CREB5: variants seen among roughly 807,000 people sequenced by gnomAD.
The protein encoded by CREB5 is cyclic AMP-responsive element-binding protein 5.
Under a neutral mutation model 57.1 loss-of-function variants are expected in CREB5, and 19 were observed. The ratio of observed to expected loss-of-function variants is 0.33; its 90% confidence interval spans 0.23 to 0.49. CREB5 has a LOEUF of 0.49. Ranked by LOEUF, CREB5 falls within the 20% of genes least tolerant of loss-of-function variation. The pLI, the probability that CREB5 is intolerant of heterozygous loss-of-function variation, is 0.99. For missense variants in CREB5, 579 were observed against 671.6 expected (o/e 0.86, Z 1.52); for synonymous variants, 238 against 238.3 (o/e 1.00, Z 0.01).
intron 7 of CREB5, among the ~76,000 whole-genome samples, chr7:28,740,287 T>C (rs1804260280): frequency 6.6e-6 from 1 of 152,232 alleles, no homozygotes; most frequent in African/African-American, 2.4e-5. Context: ...AATTCAGGTC[T>C]TATGAAACTC....
intron 1 of CREB5, among the ~76,000 whole-genome samples, chr7:28,451,462 G>A (rs1583478436): frequency 1.2e-5 from 1 of 83,994 alleles, no homozygotes. Flanking sequence ...GTGTGTGTGT[G>A]TGTGTGTGTG....
At chr7:28,809,465 G>A (rs997903671) in intron 9 of CREB5, 51 bp downstream of exon 9, 4 of 1,501,232 alleles carry the variant, frequency 2.7e-6, no homozygotes, top group African/African-American at 2.8e-5. Flanking sequence ...CTGCTCCACG[G>A]GCATTTCCGG....
intron 6 of CREB5, 120 bp from the exon 7 acceptor site, chr7:28,724,102 G>A: frequency 2.5e-6 from 2 of 785,998 alleles, no homozygotes; most frequent in Non-Finnish European, 4.0e-6. Flanking sequence ...CAAACCATAG[G>A]CCTTCTCAGG....
intron 4 of CREB5, among the ~76,000 whole-genome samples, chr7:28,560,849 T>TGTGCGCGCGTGCGTGCGC (rs1562797145): frequency 1.1e-5 from 1 of 87,054 alleles, no homozygotes; most frequent in Non-Finnish European, 2.3e-5. Context: ...TGTGTGCGCG[T>TGTGCGCGCGTGCGTGCGC]GTGTGTGTGC....
intron 1 of CREB5, among the ~76,000 whole-genome samples, chr7:28,386,146 T>A (rs980604567): frequency 2.6e-5 from 4 of 152,206 alleles, no homozygotes; most frequent in African/African-American, 9.7e-5. Context: ...ATTTTCTTTG[T>A]CTATTTTCCT....
chr7:28,764,336 C>T (rs769475632), intron 7 of CREB5, among the ~76,000 whole-genome samples: 9 of 145,188 alleles, frequency 6.2e-5, no homozygotes, highest in Non-Finnish European at 1.1e-4. Flanking sequence ...AGCTGAAATG[C>T]AGGAAAGGCC....
intron 5 of CREB5, among the ~76,000 whole-genome samples, chr7:28,651,706 T>C (rs1799136040): frequency 6.6e-6 from 1 of 152,230 alleles, no homozygotes; most frequent in Admixed American, 6.5e-5. Context: ...CTTTCTTTCC[T>C]CCTATCCAAA....
At chr7:28,626,432 G>A (rs544657303) in intron 5 of CREB5, among the ~76,000 whole-genome samples, 1 of 152,220 alleles carries the variant, frequency 6.6e-6, no homozygotes, top group African/African-American at 2.4e-5. Flanking sequence ...AATCCCATGA[G>A]GTGTGTTATT....
intron 5 of CREB5, among the ~76,000 whole-genome samples, chr7:28,610,792 C>T (rs1442693350): frequency 1.3e-5 from 2 of 152,130 alleles, no homozygotes; most frequent in East Asian, 3.9e-4. Flanking sequence ...TAATGACCAC[C>T]ATAGAGAATC....
intron 1 of CREB5, among the ~76,000 whole-genome samples, chr7:28,306,489 C>A (rs766902095): frequency 9.7e-6 from 1 of 102,590 alleles, no homozygotes; most frequent in Non-Finnish European, 2.0e-5. Context: ...CATCATGGCA[C>A]AAGATTTTAA....
intron 5 of CREB5, among the ~76,000 whole-genome samples, chr7:28,684,782 T>C (rs540682720): frequency 1.3e-5 from 2 of 152,192 alleles, no homozygotes; most frequent in South Asian, 4.1e-4. Context: ...TCTGCTTTTG[T>C]GGTATTTAAA....
At chr7:28,577,413 A>G (rs1315733588) in intron 5 of CREB5, among the ~76,000 whole-genome samples, 2 of 152,236 alleles carry the variant, frequency 1.3e-5, no homozygotes, top group Non-Finnish European at 2.9e-5. Context: ...GTCCTAACAT[A>G]TGAAGTCAGA....
chr7:28,427,957 A>T (rs1788572453), intron 1 of CREB5, among the ~76,000 whole-genome samples: 1 of 152,222 alleles, frequency 6.6e-6, no homozygotes, highest in Non-Finnish European at 1.5e-5. Context: ...AGATAGGTAA[A>T]TAACACCTAA....
rs114196179 is a variant in CREB5 at position 28,308,959 on chromosome 7, T to C, written c.-25+9518T>C. ...TGGGTGGATTTTGAGACTTCCATAA[T>C]GTAGGTGGGCCTCAACCAATCAGCT... On this transcript the variant is annotated intron_variant, in intron 1 of 9. Coordinates refer to the CREB5 transcript ENST00000396299. 2.7e-3 allele frequency among the ~76,000 whole-genome samples: 406 copies of C among 152,328 alleles called. 1 individual carries two copies. The highest frequency in any genetic ancestry group is 9.3e-3 in the African/African-American group (385 of 41,568).
chr7:28,807,517 C>G (rs898171632), intron 8 of CREB5, among the ~76,000 whole-genome samples: 3 of 152,142 alleles, frequency 2.0e-5, no homozygotes, highest in African/African-American at 7.2e-5. Flanking sequence ...AACCCTGGGC[C>G]TGATTCTTTT....
intron 7 of CREB5, among the ~76,000 whole-genome samples, chr7:28,769,467 T>C (rs905434899): frequency 6.6e-5 from 10 of 152,178 alleles, no homozygotes; most frequent in South Asian, 2.1e-4. Flanking sequence ...ATACGTATAA[T>C]TATGTACCAA....
chr7:28,732,126 T>G (rs895154960), intron 7 of CREB5, among the ~76,000 whole-genome samples: 6 of 152,012 alleles, frequency 3.9e-5, no homozygotes, highest in East Asian at 1.9e-4. Context: ...CCCCTTTCCA[T>G]TCCATCTTTT....
intron 1 of CREB5, among the ~76,000 whole-genome samples, chr7:28,331,183 C>T (rs1368778904): frequency 6.6e-6 from 1 of 152,032 alleles, no homozygotes; most frequent in East Asian, 1.9e-4. Context: ...ATTCCTCAAC[C>T]ATTTTTTTTT....
intron 4 of CREB5, among the ~76,000 whole-genome samples, chr7:28,508,051 G>A (rs1162550519): frequency 1.3e-5 from 2 of 152,168 alleles, no homozygotes; most frequent in Non-Finnish European, 2.9e-5. Flanking sequence ...TGAGAGAACA[G>A]GCGAGTAATC....
Sources: allele counts gnomAD v4.1 joint callset (sites outside exome capture counted in the v4.1 genomes callset), GRCh38; gene constraint gnomAD v4.1.1; transcripts MANE v1.5; gene names NCBI Gene and HGNC (gene_info 2026-07-23, HGNC 2026-07-21).